AKT3: variants seen among roughly 807,000 people sequenced by gnomAD.
AKT3 encodes the protein RAC-gamma serine/threonine-protein kinase.
Under a neutral mutation model 65.3 loss-of-function variants are expected in AKT3, and 15 were observed. That is an observed-to-expected ratio of 0.23 (90% CI 0.15 to 0.35). AKT3 has a LOEUF of 0.35. Among genes scored for constraint, AKT3 ranks in the 10% least tolerant of loss-of-function variants. The pLI, the probability that AKT3 is intolerant of heterozygous loss-of-function variation, is 1.00. For missense variants in AKT3, 243 were observed against 576.5 expected (o/e 0.42, Z 5.92); for synonymous variants, 206 against 183.8 (o/e 1.12, Z -0.98).
At chr1:243,824,575 A>T (rs560536954) in intron 2 of AKT3, among the ~76,000 whole-genome samples, 310 of 152,240 alleles carry the variant, frequency 2.0e-3, no homozygotes, top group Middle Eastern at 3.4e-3. Context: ...AAAAAACTTC[A>T]TTCGAAAGTG....
intron 2 of AKT3, among the ~76,000 whole-genome samples, chr1:243,777,704 C>T (rs1690643715): frequency 1.3e-5 from 2 of 152,086 alleles, no homozygotes; most frequent in African/African-American, 4.8e-5. Flanking sequence ...CAACACTGTA[C>T]TTTATAATAT....
intron 2 of AKT3, among the ~76,000 whole-genome samples, chr1:243,833,986 A>G (rs1694720619): frequency 6.6e-6 from 1 of 151,118 alleles, no homozygotes; most frequent in South Asian, 2.2e-4. Context: ...TTCTAATTTG[A>G]GCCACTGTGG....
intron 13 of AKT3, among the ~76,000 whole-genome samples, chr1:243,507,892 C>T (rs754600740): frequency 1.7e-4 from 26 of 152,290 alleles, no homozygotes; most frequent in Non-Finnish European, 3.4e-4. Flanking sequence ...AAATCTGTTC[C>T]ATTATTAACG....
chr1:243,635,292 G>A (rs1249343596), intron 6 of AKT3, among the ~76,000 whole-genome samples: 1 of 151,756 alleles, frequency 6.6e-6, no homozygotes, highest in Non-Finnish European at 1.5e-5. Flanking sequence ...ACAGTGCTAA[G>A]GGAGAAATTT....
Position 243,500,514 on chromosome 1 carries a change from G to C in AKT3, c.*4735C>G, listed in dbSNP as rs1183676529. On this transcript the variant is annotated 3_prime_UTR_variant, in exon 14 of 14. Transcript: ENST00000673466. Reference sequence around the variant, plus strand: ...AATATCTGTACACAGATAATTATTTGTCTAAAATAGTATTTCTACTATACA... The same window carrying C: ...AATATCTGTACACAGATAATTATTTCTCTAAAATAGTATTTCTACTATACA... The C allele has an allele frequency of 6.2e-5, 14 of 226,230 alleles. No individual in the cohort carries two copies. Among genetic ancestry groups the C allele is most frequent in the African/African-American group, 2.9e-4 (13 of 44,894 alleles). 14.0% of individuals were successfully genotyped at this position (226,230 alleles called of 1,614,324 possible). A position where few individuals can be genotyped will look rare whatever the true frequency, so the allele number is the denominator to read the frequency against.
At chr1:243,611,955 G>T (rs1361854685) in intron 8 of AKT3, among the ~76,000 whole-genome samples, 2 of 152,062 alleles carry the variant, frequency 1.3e-5, no homozygotes, top group African/African-American at 4.8e-5. Context: ...TTAGAAGTTA[G>T]GTCTTTCACT....
At chr1:243,767,071 G>C (rs1325709459) in intron 2 of AKT3, among the ~76,000 whole-genome samples, 1 of 152,116 alleles carries the variant, frequency 6.6e-6, no homozygotes, top group African/African-American at 2.4e-5. Flanking sequence ...ACACAAAGAA[G>C]ATTTGTAGCC....
rs1692507353 is a variant in AKT3 at position 243,803,531 on chromosome 1, T to C, written c.46+39594A>G. Among the ~76,000 whole-genome samples the C allele has an allele frequency of 3.3e-5, 5 of 152,144 alleles. No homozygotes were observed. The South Asian group carries it at 8.3e-4, about 25-fold the overall frequency. ...TTATGAAAACATAAACTAAAAAAGT[T>C]GTGAAGACTCACTTATATAAGCAAT... On this transcript the variant is annotated intron_variant, in intron 2 of 13. Transcript: ENST00000673466.
intron 2 of AKT3, among the ~76,000 whole-genome samples, chr1:243,714,700 A>G (rs1686393494): frequency 6.6e-6 from 1 of 152,144 alleles, no homozygotes; most frequent in Non-Finnish European, 1.5e-5. Flanking sequence ...AATATAGAAA[A>G]GCTTTCACAT....
chr1:243,694,371 G>A (rs1238597700), intron 3 of AKT3, among the ~76,000 whole-genome samples: 1 of 151,680 alleles, frequency 6.6e-6, no homozygotes, highest in Non-Finnish European at 1.5e-5. Flanking sequence ...TTGACAATAG[G>A]GTTTAAAAAA....
chr1:243,782,104 G>C (rs780764947), intron 2 of AKT3, among the ~76,000 whole-genome samples: 1 of 152,196 alleles, frequency 6.6e-6, no homozygotes, highest in Non-Finnish European at 1.5e-5. Flanking sequence ...TTACAGGTGT[G>C]AGCCACTACA....
chr1:243,725,040 CAAA>C (rs76839576), intron 2 of AKT3, among the ~76,000 whole-genome samples: 1 of 126,908 alleles, frequency 7.9e-6, no homozygotes, highest in Non-Finnish European at 1.7e-5. Context: ...TTGTCTAGAC[CAAA>C]AAAAAAAAAA....
intron 8 of AKT3, among the ~76,000 whole-genome samples, chr1:243,609,334 C>CTCTGTGTG (rs1553414301): frequency 1.4e-5 from 2 of 148,070 alleles, no homozygotes; most frequent in Admixed American, 1.3e-4. Flanking sequence ...TTTTCATTTT[C>CTCTGTGTG]TGTGTGTGTG....
intron 12 of AKT3, among the ~76,000 whole-genome samples, chr1:243,528,675 T>C (rs1217163289): frequency 6.6e-6 from 1 of 152,240 alleles, no homozygotes; most frequent in Non-Finnish European, 1.5e-5. Flanking sequence ...GATGACTGCA[T>C]AGTATTCCAT....
At chr1:243,814,645 A>G (rs1693393128) in intron 2 of AKT3, 1 of 152,218 alleles carries the variant, frequency 6.6e-6, no homozygotes, top group African/African-American at 2.4e-5. Context: ...CCCCAACCCC[A>G]CTACCTGCCT....
intron 6 of AKT3, among the ~76,000 whole-genome samples, chr1:243,620,972 C>A (rs892223504): frequency 6.6e-6 from 1 of 152,176 alleles, no homozygotes; most frequent in Non-Finnish European, 1.5e-5. Context: ...TAAATTTACA[C>A]AAACATATTG....
In AKT3 at chr1:243,501,401, G is replaced by C. The variant is rs556335908; in HGVS notation, c.*3848C>G. The C allele has an allele frequency of 4.3e-6, 1 of 233,194 alleles. No individual in the cohort carries two copies. The highest frequency in any genetic ancestry group is 8.5e-6 in the Non-Finnish European group (1 of 118,008). 14.4% of individuals were successfully genotyped at this position (233,194 alleles called of 1,614,324 possible). A position where few individuals can be genotyped will look rare whatever the true frequency, so the allele number is the denominator to read the frequency against. The stretch of plus-strand genomic sequence containing the variant: ...GAAAAGCTACATTCCTTCAGATTCT[G>C]GGTCCAAACCGTGTGTTGTATAGAT... On this transcript the variant is annotated 3_prime_UTR_variant, in exon 14 of 14. Coordinates refer to ENST00000673466, the MANE Select transcript of AKT3 (RefSeq NM_005465.7).
In AKT3 at chr1:243,501,555, C is replaced by T. The variant is rs1058304; in HGVS notation, c.*3694G>A. On this transcript the variant is annotated 3_prime_UTR_variant, in exon 14 of 14. Transcript: ENST00000673466. ...AAGCAGCCGTTCATCAAAGTTTGCACAACCGCACTACTGCCATTTCACTGA... is the reference window on the plus strand; with the variant it reads ...AAGCAGCCGTTCATCAAAGTTTGCATAACCGCACTACTGCCATTTCACTGA... 0.34 allele frequency: 78,111 copies of T among 232,880 alleles called. 15,983 individuals are homozygous for T. The highest frequency in any genetic ancestry group is 0.64 in the African/African-American group (28,904 of 45,294). The allele number at this position is 232,880 out of a possible 1,614,324, so 14.4% of individuals were successfully genotyped here.
chr1:243,636,711 A>G (rs1368170284), intron 6 of AKT3, among the ~76,000 whole-genome samples: 1 of 152,086 alleles, frequency 6.6e-6, no homozygotes, highest in Non-Finnish European at 1.5e-5. Context: ...AATGCCCCTA[A>G]GAGACCAGTA....
Sources: allele counts gnomAD v4.1 joint callset (sites outside exome capture counted in the v4.1 genomes callset), GRCh38; gene constraint gnomAD v4.1.1; transcripts MANE v1.5; gene names NCBI Gene and HGNC (gene_info 2026-07-23, HGNC 2026-07-21).